Variants in NRXN1 observed in about 807,000 individuals in gnomAD.
NRXN1 encodes the protein neurexin 1, also known as neurexin-1.
A neutral mutation model predicts 150.9 loss-of-function variants in NRXN1; 39 were observed. The ratio of observed to expected loss-of-function variants is 0.26; its 90% CI spans 0.20 to 0.34. NRXN1 has a LOEUF of 0.34. NRXN1 is among the 10% of genes least tolerant of loss of function. NRXN1 has a pLI of 1.00. For synonymous variants in NRXN1, 924 were observed against 757.0 expected (o/e 1.22, Z -3.62); for missense variants, 1,815 against 1,949.9 (o/e 0.93, Z 1.30).
intron 15 of NRXN1, among the ~76,000 whole-genome samples, chr2:50,480,310 T>C (rs2090366815): frequency 6.6e-6 from 1 of 152,210 alleles, no homozygotes; most frequent in Non-Finnish European, 1.5e-5. Context: ...ATGAATCGTC[T>C]TCTCCAATTA....
chr2:50,533,127 C>G (rs1250928706), intron 10 of NRXN1, among the ~76,000 whole-genome samples: 2 of 152,088 alleles, frequency 1.3e-5, no homozygotes, highest in African/African-American at 4.8e-5. Context: ...TAAGTGAGAA[C>G]CAGAACCTCT....
At chr2:50,471,954 G>C (rs2089513509) in intron 16 of NRXN1, among the ~76,000 whole-genome samples, 2 of 151,586 alleles carry the variant, frequency 1.3e-5, no homozygotes, top group Non-Finnish European at 2.9e-5. Context: ...AGCAGTATTT[G>C]TTTAATGCTA....
chr2:50,198,471 A>G (rs1292604097), intron 18 of NRXN1, among the ~76,000 whole-genome samples: 1 of 152,136 alleles, frequency 6.6e-6, no homozygotes, highest in Non-Finnish European at 1.5e-5. Flanking sequence ...ATGATAAATT[A>G]TACCTTCTGA....
chr2:50,308,130 A>C (rs1408595940), intron 17 of NRXN1, among the ~76,000 whole-genome samples: 1 of 151,970 alleles, frequency 6.6e-6, no homozygotes, highest in Non-Finnish European at 1.5e-5. Flanking sequence ...TTGTCTCCTG[A>C]CTACTGTCTT....
chr2:50,649,070 C>CA (rs1348896150), intron 5 of NRXN1, among the ~76,000 whole-genome samples: 1 of 151,916 alleles, frequency 6.6e-6, no homozygotes, highest in Non-Finnish European at 1.5e-5. Flanking sequence ...GCAGTGAATT[C>CA]AGCTTAATTT....
chr2:50,795,672 C>G (rs1706719565), intron 5 of NRXN1, among the ~76,000 whole-genome samples: 1 of 152,000 alleles, frequency 6.6e-6, no homozygotes, highest in African/African-American at 2.4e-5. Context: ...CTCTGATTTA[C>G]CCCAGTTGAT....
intron 21 of NRXN1, among the ~76,000 whole-genome samples, chr2:49,954,407 G>T (rs1285410183): frequency 6.6e-6 from 1 of 152,118 alleles, no homozygotes; most frequent in Admixed American, 6.6e-5. Context: ...GGATACTTGA[G>T]CTCTCTCTAA....
chr2:50,915,004 T>A (rs1476438399), intron 5 of NRXN1, among the ~76,000 whole-genome samples: 4 of 151,528 alleles, frequency 2.6e-5, no homozygotes, highest in African/African-American at 9.7e-5. Flanking sequence ...AGAATTTTTT[T>A]AAAGTATGTT....
intron 15 of NRXN1, among the ~76,000 whole-genome samples, chr2:50,480,143 AT>A (rs1248280169): frequency 6.6e-6 from 1 of 152,046 alleles, no homozygotes; most frequent in Non-Finnish European, 1.5e-5. Flanking sequence ...TCAATGGCAT[AT>A]TTTTTCCCAC....
At chr2:50,487,847 C>T (rs373779353) in intron 15 of NRXN1, among the ~76,000 whole-genome samples, 18 of 152,082 alleles carry the variant, frequency 1.2e-4, no homozygotes, top group Non-Finnish European at 1.6e-4. Flanking sequence ...TGGTTAGGAC[C>T]CTCGCATCTG....
intron 5 of NRXN1, among the ~76,000 whole-genome samples, chr2:50,725,927 G>A (rs1345084052): frequency 6.6e-6 from 1 of 152,120 alleles, no homozygotes; most frequent in Admixed American, 6.5e-5. Context: ...TAAAGAACAA[G>A]AGAGCATGGA....
At chr2:50,253,665 A>G (rs1353802618) in intron 17 of NRXN1, among the ~76,000 whole-genome samples, 1 of 152,186 alleles carries the variant, frequency 6.6e-6, no homozygotes, top group Non-Finnish European at 1.5e-5. Flanking sequence ...GTCTATTGAG[A>G]TAATCACATA....
At chr2:50,309,284 A>G (rs1397993749) in intron 17 of NRXN1, among the ~76,000 whole-genome samples, 1 of 152,202 alleles carries the variant, frequency 6.6e-6, no homozygotes, top group Admixed American at 6.5e-5. Flanking sequence ...CAATGTCTTC[A>G]AAACTATAGA....
chr2:50,522,915 G>A (rs1205667626), intron 12 of NRXN1, among the ~76,000 whole-genome samples: 2 of 149,086 alleles, frequency 1.3e-5, no homozygotes, highest in Non-Finnish European at 3.0e-5. Flanking sequence ...TGTATTTTTA[G>A]TAGAGACGGG....
chr2:50,358,559 GA>G (rs1311400070), intron 17 of NRXN1, among the ~76,000 whole-genome samples: 1 of 152,106 alleles, frequency 6.6e-6, no homozygotes, highest in Non-Finnish European at 1.5e-5. Flanking sequence ...GGACATCTCT[GA>G]AAAAAAGACA....
chr2:50,224,776 A>C (rs967874611), intron 18 of NRXN1, among the ~76,000 whole-genome samples: 3 of 151,708 alleles, frequency 2.0e-5, no homozygotes, highest in Admixed American at 6.6e-5. Flanking sequence ...TCATCTCTAC[A>C]TTCCTAATCA....
chr2:50,546,278 C>G (rs964054053), intron 9 of NRXN1, among the ~76,000 whole-genome samples: 1 of 152,112 alleles, frequency 6.6e-6, no homozygotes, highest in Non-Finnish European at 1.5e-5. Flanking sequence ...TCCATCTTTA[C>G]AGTGGGGATG....
At chr2:50,983,876 A>G (rs1482292508) in intron 2 of NRXN1, among the ~76,000 whole-genome samples, 4 of 152,146 alleles carry the variant, frequency 2.6e-5, no homozygotes, top group African/African-American at 9.6e-5. Flanking sequence ...AATTCTGTAC[A>G]TAGTAGAGTG....
At chr2:50,111,745 G>C (rs1312950146) in intron 18 of NRXN1, among the ~76,000 whole-genome samples, 1 of 152,132 alleles carries the variant, frequency 6.6e-6, no homozygotes, top group Non-Finnish European at 1.5e-5. Context: ...TTTAAAAACA[G>C]TTATTAGGCC....
Sources: allele counts gnomAD v4.1 joint callset (sites outside exome capture counted in the v4.1 genomes callset), GRCh38; gene constraint gnomAD v4.1.1; transcripts MANE v1.5; gene names NCBI Gene and HGNC (gene_info 2026-07-23, HGNC 2026-07-21).